The following GGT7 variants were observed in gnomAD, a reference collection of about 807,000 sequenced individuals.
The protein encoded by GGT7 is glutathione hydrolase 7.
GGT7 carries 30 observed loss-of-function variants against 69.2 expected under a neutral mutation model. That is an observed-to-expected ratio of 0.43 (90% CI 0.32 to 0.59). The LOEUF is 0.59. Ranked by LOEUF, GGT7 falls within the 20% of genes least tolerant of loss-of-function variation. GGT7 has a pLI of 0.05. For missense variants in GGT7, 733 were observed against 901.1 expected (o/e 0.81, Z 2.39); for synonymous variants, 388 against 391.8 (o/e 0.99, Z 0.12).
Position 34,861,432 on chromosome 20 carries a change from C to T in GGT7, c.675+13G>A. The T allele has an allele frequency of 7.1e-7, 1 of 1,406,870 alleles. No homozygotes were observed. The highest frequency in any genetic ancestry group is 9.9e-7 in the Non-Finnish European group (1 of 1,011,304). The allele number at this position is 1,406,870 out of a possible 1,614,324, so 87.1% of individuals were successfully genotyped here. A position where few individuals can be genotyped will look rare whatever the true frequency, so the allele number is the denominator to read the frequency against. ...GACTCCCCTGAACTCTCTCTTCTCA[C>T]CAGGGTCCCCACCTTGGTCTCCCAG... On this transcript the variant is annotated intron_variant, in intron 4 of 14. Transcript: ENST00000336431.
At chr20:34,847,858 G>A (rs556781338) in intron 14 of GGT7, among the ~76,000 whole-genome samples, 7 of 152,342 alleles carry the variant, frequency 4.6e-5, no homozygotes, top group Admixed American at 2.0e-4. Flanking sequence ...TCGGGAGGCC[G>A]AGGCAGGCGG....
Position 34,860,044 on chromosome 20 carries a change from T to TG in GGT7, c.744-3dup, listed in dbSNP as rs759112188. 81 of 1,206,246 alleles carry TG rather than the reference T, an allele frequency of 6.7e-5. No individual in the cohort carries two copies. The highest frequency in any genetic ancestry group is 4.5e-4 in the Middle Eastern group (2 of 4,410). 74.7% of individuals were successfully genotyped at this position (1,206,246 alleles called of 1,614,324 possible). A position where few individuals can be genotyped will look rare whatever the true frequency, so the allele number is the denominator to read the frequency against. ...GCCAGGACTTGGGACCATGGCAGCC[T>TG]GGGGGGGCCGGAGAGCAGGGGGTGG... On this transcript the variant is annotated splice_region_variant and splice_polypyrimidine_tract_variant and intron_variant, in intron 5 of 14. Coordinates refer to ENST00000336431, the MANE Select transcript of GGT7 (RefSeq NM_178026.3).
chr20:34,848,086 C>A (rs1164443805), intron 14 of GGT7, among the ~76,000 whole-genome samples: 2 of 152,082 alleles, frequency 1.3e-5, no homozygotes, highest in African/African-American at 4.8e-5. Context: ...GAGTGAGACT[C>A]TATCTCAAAA....
chr20:34,869,517 G>A (rs1196650750), intron 1 of GGT7, among the ~76,000 whole-genome samples: 10 of 152,160 alleles, frequency 6.6e-5, no homozygotes, highest in Admixed American at 2.6e-4. Flanking sequence ...GACCAGAAGC[G>A]ATGGATGGAT....
Position 34,845,129 on chromosome 20 carries a change from A to ACCCCCCCCCCCCCCCCCCCCCCC in GGT7, c.*198_*199insGGGGGGGGGGGGGGGGGGGGGGG. The ACCCCCCCCCCCCCCCCCCCCCCC allele has an allele frequency of 2.9e-6, 1 of 339,570 alleles. No individual in the cohort carries two copies. 21.0% of individuals were successfully genotyped at this position (339,570 alleles called of 1,614,324 possible). ...GCTGACACTCACCACCACCACCACC[A>ACCCCCCCCCCCCCCCCCCCCCCC]CCACCACCACCACCACCACCACCAC... On this transcript the variant is annotated 3_prime_UTR_variant, in exon 15 of 15. Coordinates refer to ENST00000336431, the MANE Select transcript of GGT7 (RefSeq NM_178026.3).
rs898350731 is a variant in GGT7 at position 34,852,489 on chromosome 20, C to A, written c.1369G>T (p.Ala457Ser). ...LRGHINDSQA[A>S]PAPLLPVYEL... ...TAGACAGGCAGGAGTGGGGCAGGGG[C>A]TGCCTGGGAGTCATTGATATGGCCC... The change falls in exon 11 of 15, where the codon GCC (alanine) becomes TCC (serine). Residue 457 changes from alanine to serine, a missense_variant. Coordinates refer to ENST00000336431, the MANE Select transcript of GGT7 (RefSeq NM_178026.3). 1.6e-5 allele frequency: 26 copies of A among 1,610,088 alleles called. No homozygotes were observed. Among genetic ancestry groups the A allele is most frequent in the Non-Finnish European group, 2.1e-5 (25 of 1,178,400 alleles).
At chr20:34,860,737 C>T (rs372941136) in intron 4 of GGT7, among the ~76,000 whole-genome samples, 8 of 148,538 alleles carry the variant, frequency 5.4e-5, no homozygotes, top group South Asian at 2.2e-4. Context: ...TCAAGTCAAG[C>T]GATCCTTGGT....
At chr20:34,866,024 C>T (rs2079684647) in intron 1 of GGT7, among the ~76,000 whole-genome samples, 1 of 152,144 alleles carries the variant, frequency 6.6e-6, no homozygotes, top group Non-Finnish European at 1.5e-5. Flanking sequence ...TTTTATTGTT[C>T]TGTTTAAAAT....
intron 1 of GGT7, among the ~76,000 whole-genome samples, chr20:34,865,760 A>G (rs1468357530): frequency 6.6e-6 from 1 of 152,178 alleles, no homozygotes; most frequent in Non-Finnish European, 1.5e-5. Flanking sequence ...CACCTTGACC[A>G]GGGCTGAGAC....
chr20:34,850,112 C>T (rs1459532348), intron 13 of GGT7, 52 bp from the exon 14 acceptor site: 1 of 1,195,620 alleles, frequency 8.4e-7, no homozygotes, highest in Non-Finnish European at 1.3e-6. Flanking sequence ...GGTGATGGTC[C>T]AGGATTCCTC....
rs1305933756 is a variant in GGT7 at position 34,863,588 on chromosome 20, T to C, written c.170-40A>G. The C allele has an allele frequency of 7.3e-7, 1 of 1,368,774 alleles. No individual in the cohort carries two copies. The highest frequency in any genetic ancestry group is 1.0e-6 in the Non-Finnish European group (1 of 981,968). 84.8% of individuals were successfully genotyped at this position (1,368,774 alleles called of 1,614,324 possible). A position where few individuals can be genotyped will look rare whatever the true frequency, so the allele number is the denominator to read the frequency against. On this transcript the variant is annotated intron_variant, in intron 1 of 14. Transcript: ENST00000336431. This position sits in a 1 kb window ranked among gnomAD's most constrained non-coding sequence, Gnocchi z 4.4. ...CCGGGGTCGGTCTGGGCATCTCCTA[T>C]CTGGCCCTGCCCACCCTCCAGGTGG...
At chr20:34,850,285 T>C (rs1454539572) in intron 13 of GGT7, 1 of 727,118 alleles carries the variant, frequency 1.4e-6, no homozygotes, top group Non-Finnish European at 2.5e-6. Context: ...TACTCCAGAG[T>C]TTAGAGGAAG....
chr20:34,872,602 G>A, intron 1 of GGT7, 45 bp downstream of exon 1: 1 of 1,320,490 alleles, frequency 7.6e-7, no homozygotes, highest in Non-Finnish European at 9.9e-7. Flanking sequence ...AAGGAAGACC[G>A]GGGACTTCCC....
Position 34,862,993 on chromosome 20 carries a change from G to A in GGT7, c.406-28C>T, listed in dbSNP as rs766161756. On this transcript the variant is annotated intron_variant, in intron 2 of 14. Transcript: ENST00000336431. ...GGGAGGGGAAAGAGGACTTGGTGGGGGCAGGAGGAGCTGTCCACCTCCCTA... is the reference window on the plus strand; with the variant it reads ...GGGAGGGGAAAGAGGACTTGGTGGGAGCAGGAGGAGCTGTCCACCTCCCTA... 2.5e-6 allele frequency: 4 copies of A among 1,599,874 alleles called. No homozygotes were observed. The South Asian group carries it at 3.4e-5, about 13-fold the overall frequency.
In GGT7 at chr20:34,845,296, G is replaced by A; in HGVS notation, c.*32C>T. On this transcript the variant is annotated 3_prime_UTR_variant, in exon 15 of 15. Coordinates refer to ENST00000336431, the MANE Select transcript of GGT7 (RefSeq NM_178026.3). Reference sequence around the variant, plus strand: ...AGGGACTCTGGGAACATGCAAAGTGGGGGAGCAGAGACCCCGCCCCACCCC... The same window carrying A: ...AGGGACTCTGGGAACATGCAAAGTGAGGGAGCAGAGACCCCGCCCCACCCC... 1 of 1,588,734 alleles carries A rather than the reference G, an allele frequency of 6.3e-7. No homozygotes were observed.
intron 1 of GGT7, among the ~76,000 whole-genome samples, chr20:34,869,447 C>T (rs561683623): frequency 1.3e-5 from 2 of 152,300 alleles, no homozygotes; most frequent in Admixed American, 1.3e-4. Context: ...GCTGGGATTA[C>T]AGGTGTATGC....
Position 34,850,026 on chromosome 20 carries a change from A to C in GGT7, c.1760T>G (p.Leu587Arg). 6.2e-7 allele frequency: 1 copy of C among 1,613,994 alleles called. No individual in the cohort carries two copies. The highest frequency in any genetic ancestry group is 8.5e-7 in the Non-Finnish European group (1 of 1,179,888). Residue 587 changes from leucine to arginine, a missense_variant, in exon 14 of 15, where the codon CTG (leucine) becomes CGG (arginine). Physicochemically the swap from Leu to Arg is moderately radical, Grantham distance 102. Coordinates refer to ENST00000336431, the MANE Select transcript of GGT7 (RefSeq NM_178026.3). ...LLNVLTLNRN[L>R]SDSLARGRLH... ...GCGGCCGCGGGCCAGGCTGTCACTCAGGTTCCGGTTCAAGGTCAGGACATT... is the reference window on the plus strand; with the variant it reads ...GCGGCCGCGGGCCAGGCTGTCACTCCGGTTCCGGTTCAAGGTCAGGACATT...
At position 34,863,499 on chromosome 20, in the gene GGT7, C is replaced by T. The variant is rs753079104; in HGVS notation, c.219G>A (p.Ser73=). ...KSARLQRLPS[S]SSEMGSQDGS... ...CGTCTTGGCTGCCCATCTCCGACGACGACGATGGCAGCCGCTGCAGCCGTG... is the reference window on the plus strand; with the variant it reads ...CGTCTTGGCTGCCCATCTCCGACGATGACGATGGCAGCCGCTGCAGCCGTG... The change falls in exon 2 of 15, where the codon TCG becomes TCA. Residue 73 remains serine, a synonymous_variant. Transcript: ENST00000336431. This position sits in a 1 kb window ranked among gnomAD's most constrained non-coding sequence, Gnocchi z 4.4. The T allele has an allele frequency of 3.7e-6, 6 of 1,602,018 alleles. No homozygotes were observed. The South Asian group carries it at 6.7e-5, about 18-fold the overall frequency.
chr20:34,858,749 G>A (rs1329891744), intron 7 of GGT7, among the ~76,000 whole-genome samples: 1 of 152,196 alleles, frequency 6.6e-6, no homozygotes, highest in Admixed American at 6.5e-5. Flanking sequence ...CCAAAAGCAG[G>A]GAAGGATTGT....
Sources: allele counts gnomAD v4.1 joint callset (sites outside exome capture counted in the v4.1 genomes callset), GRCh38; gene constraint gnomAD v4.1.1; non-coding constraint Gnocchi (gnomAD v3.1); transcripts MANE v1.5; gene names NCBI Gene and HGNC (gene_info 2026-07-23, HGNC 2026-07-21).